Variants in DNAH6 observed in about 807,000 individuals in gnomAD.
The protein encoded by DNAH6 is dynein axonemal heavy chain 6.
A neutral mutation model predicts 491.4 loss-of-function variants in DNAH6; 340 were observed. The ratio of observed to expected loss-of-function variants is 0.69; its 90% confidence interval spans 0.63 to 0.76. The LOEUF (loss-of-function observed/expected upper bound fraction) is 0.76. Among genes scored for constraint, DNAH6 ranks in the 30% least tolerant of loss-of-function variants. The pLI, the probability that DNAH6 is intolerant of heterozygous loss-of-function variation, is 0.00. For synonymous variants in DNAH6, 1,603 were observed against 1,686.1 expected (o/e 0.95, Z 1.21); for missense variants, 4,443 against 4,972.2 (o/e 0.89, Z 3.20).
At chr2:84,527,899 A>C (rs548790081) in intron 3 of DNAH6, among the ~76,000 whole-genome samples, 9 of 152,344 alleles carry the variant, frequency 5.9e-5, no homozygotes, top group Admixed American at 3.9e-4. Context: ...TAAAATACTC[A>C]TGCGTATATT....
chr2:84,466,087 C>G, the DNAH6 span, among the ~76,000 whole-genome samples: 4 of 152,192 alleles, frequency 2.6e-5, no homozygotes, highest in African/African-American at 9.7e-5. Context: ...AATTTCTCTC[C>G]TTTTGAGGTC....
chr2:84,654,890 A>G (rs1690796390), intron 35 of DNAH6, 108 bp downstream of exon 35: 1 of 1,249,988 alleles, frequency 8.0e-7, no homozygotes, highest in African/African-American at 1.5e-5. Flanking sequence ...GATTGAGGGG[A>G]CTTCATTATT....
intron 39 of DNAH6, among the ~76,000 whole-genome samples, chr2:84,670,736 G>T (rs1467058740): frequency 6.6e-6 from 1 of 152,118 alleles, no homozygotes; most frequent in East Asian, 1.9e-4. Flanking sequence ...CTCCACCCAG[G>T]TTCTTCCAAC....
the DNAH6 span, among the ~76,000 whole-genome samples, chr2:84,467,576 C>A: frequency 2.0e-5 from 3 of 152,226 alleles, no homozygotes; most frequent in African/African-American, 7.2e-5. Flanking sequence ...GTCATAGTGG[C>A]ATTTTATGAG....
chr2:84,540,451 A>G (rs537377238), intron 4 of DNAH6, among the ~76,000 whole-genome samples: 2 of 152,300 alleles, frequency 1.3e-5, no homozygotes, highest in East Asian at 1.9e-4. Flanking sequence ...GAATAGAAGC[A>G]TTTTCAATCA....
At chr2:84,625,665 A>G (rs1031210165) in intron 29 of DNAH6, among the ~76,000 whole-genome samples, 1 of 152,198 alleles carries the variant, frequency 6.6e-6, no homozygotes, top group Non-Finnish European at 1.5e-5. Context: ...GTTAACTTAA[A>G]CATGTTTTTG....
At chr2:84,494,749 C>T in the DNAH6 span, among the ~76,000 whole-genome samples, 1 of 152,214 alleles carries the variant, frequency 6.6e-6, no homozygotes, top group Non-Finnish European at 1.5e-5. Context: ...ATGAGAAACT[C>T]ACCTTCCAGG....
rs1361599208 is a variant in DNAH6, at chr2:84,781,557, A to G, written c.10768A>G (p.Met3590Val). The G allele has an allele frequency of 6.4e-6, 10 of 1,551,704 alleles. No individual in the cohort carries two copies. The South Asian group carries it at 1.1e-4, about 17-fold the overall frequency. The change falls in exon 65 of 77, where the codon ATG becomes GTG. Residue 3590 changes from methionine (M) to valine (V), a missense_variant. By Grantham distance (21) the Met-to-Val change is conservative (BLOSUM62 1). Around this residue, in one of 3 missense-constraint regions of DNAH6, gnomAD observed 1,463 missense variants for 1,656.6 expected, o/e 0.88. Transcript: ENST00000389394. ...PIAEKMVKDA[M>V]KSGNWVFLQN... ...TGCTGAAAAAATGGTCAAGGATGCAATGAAATCAGGAAACTGGGTATTTTT... is the reference window on the plus strand; with the variant it reads ...TGCTGAAAAAATGGTCAAGGATGCAGTGAAATCAGGAAACTGGGTATTTTT...
chr2:84,558,828 C>G (rs1212349207), intron 11 of DNAH6, among the ~76,000 whole-genome samples: 2 of 152,152 alleles, frequency 1.3e-5, no homozygotes, highest in Non-Finnish European at 2.9e-5. Context: ...CGGCTTGCTT[C>G]TCTCCTACAT....
intron 61 of DNAH6, among the ~76,000 whole-genome samples, chr2:84,730,684 G>T (rs1387801391): frequency 2.0e-5 from 3 of 152,184 alleles, no homozygotes; most frequent in Non-Finnish European, 4.4e-5. Context: ...TTTTTTTAAA[G>T]CATTTTCTCT....
the DNAH6 span, among the ~76,000 whole-genome samples, chr2:84,504,533 G>A: frequency 3.3e-5 from 5 of 152,126 alleles, no homozygotes; most frequent in Admixed American, 6.6e-5. Context: ...GTTGGGGCTT[G>A]TTTGTAGCTA....
At chr2:84,796,244 T>C (rs1482323026) in intron 68 of DNAH6, 62 bp from the exon 69 acceptor site, 1 of 1,109,974 alleles carries the variant, frequency 9.0e-7, no homozygotes, top group Non-Finnish European at 1.2e-6. Flanking sequence ...AAATTTAAAA[T>C]TAGGTATGCC....
At chr2:84,768,184 T>C (rs1408414709) in intron 64 of DNAH6, among the ~76,000 whole-genome samples, 2 of 151,970 alleles carry the variant, frequency 1.3e-5, no homozygotes, top group Non-Finnish European at 2.9e-5. Context: ...ATATGTTATA[T>C]AAAAAACTAT....
chr2:84,796,624 G>C (rs1037211827), intron 69 of DNAH6, among the ~76,000 whole-genome samples, 199 bp downstream of exon 69: 2 of 152,114 alleles, frequency 1.3e-5, no homozygotes, highest in Non-Finnish European at 2.9e-5. Context: ...TAACTACTTT[G>C]AATTACTTCG....
chr2:84,729,035 C>T (rs1207076777), intron 61 of DNAH6, among the ~76,000 whole-genome samples: 1 of 152,034 alleles, frequency 6.6e-6, no homozygotes, highest in African/African-American at 2.4e-5. Flanking sequence ...CTCTCAGCAC[C>T]CCATGTTCCC....
chr2:84,672,663 G>A (rs558309041), intron 40 of DNAH6, among the ~76,000 whole-genome samples, 179 bp downstream of exon 40: 90 of 152,044 alleles, frequency 5.9e-4, no homozygotes, highest in African/African-American at 2.1e-3. Flanking sequence ...TGCAGGATTG[G>A]TTTCTTCTGA....
upstream of DNAH6, among the ~76,000 whole-genome samples, chr2:84,516,270 ACCT>A: frequency 6.6e-6 from 1 of 152,284 alleles, no homozygotes; most frequent in Non-Finnish European, 1.5e-5. Context: ...CTCTGCCTAC[ACCT>A]CCTGGCACAG....
intron 71 of DNAH6, 136 bp downstream of exon 71, chr2:84,805,930 C>A: frequency 1.4e-6 from 1 of 705,546 alleles, no homozygotes; most frequent in Non-Finnish European, 2.2e-6. Context: ...TGACATGGAG[C>A]TCTTCATTTA....
intron 63 of DNAH6, among the ~76,000 whole-genome samples, chr2:84,745,790 G>C (rs2105048059): frequency 6.6e-6 from 1 of 152,222 alleles, no homozygotes; most frequent in South Asian, 2.1e-4. Context: ...TGTGCCATTA[G>C]AGTACCGTGC....
Sources: gnomAD v4.1 joint callset for allele counts (sites outside exome capture counted in the v4.1 genomes callset) on GRCh38, gnomAD v4.1.1 for gene constraint, gnomAD v4.1.1 regional missense constraint, MANE v1.5 for transcripts, NCBI Gene and HGNC (gene_info 2026-07-23, HGNC 2026-07-21) for gene names.